TSPEAR: variants seen among roughly 807,000 people sequenced by gnomAD.
TSPEAR encodes the protein thrombospondin-type laminin G domain and EAR repeat-containing protein.
A neutral mutation model predicts 71.6 loss-of-function variants in TSPEAR; 69 were observed. That is an observed-to-expected ratio of 0.96 (90% CI 0.79 to 1.18). The LOEUF (loss-of-function observed/expected upper bound fraction) is 1.18, where lower values mean the gene tolerates loss of function less well. TSPEAR is among the 50% of genes most tolerant of loss of function. The pLI, the probability that TSPEAR is intolerant of heterozygous loss-of-function variation, is 0.00. For missense variants in TSPEAR, 971 were observed against 894.9 expected, an observed-to-expected ratio of 1.09 and a Z score of -1.09; for synonymous variants, 402 against 387.2, an observed-to-expected ratio of 1.04 and a Z score of -0.45.
At chr21:44,666,283 G>A (rs1443928261) in intron 1 of TSPEAR, 35 of 904,926 alleles carry the variant, frequency 3.9e-5, no homozygotes, top group South Asian at 6.1e-5. Flanking sequence ...GGTCAGCAAG[G>A]GCTCCAGATC....
At position 44,612,442 on chromosome 21, in the gene TSPEAR, C is replaced by A; in HGVS notation, c.83-44437G>T. The stretch of plus-strand genomic sequence containing the variant: ...CGGCTTGCTGCACCTCCTCCCCCTG[C>A]CAACAGGCCTGCTGTGTGCCTGTGT... On this transcript the variant is annotated intron_variant, in intron 1 of 11. Transcript: ENST00000323084. The surrounding 1 kb of genome is among the most constrained non-coding windows in gnomAD (Gnocchi z 4.1). 1 of 1,614,118 alleles carries A rather than the reference C, an allele frequency of 6.2e-7. No individual in the cohort carries two copies. The highest frequency in any genetic ancestry group is 8.5e-7 in the Non-Finnish European group (1 of 1,180,012).
chr21:44,623,400 C>T lies in TSPEAR; in HGVS notation c.83-55395G>A, dbSNP rs1555933842. Among the ~76,000 whole-genome samples, 1 of 152,134 alleles carries T rather than the reference C, an allele frequency of 6.6e-6. No individual in the cohort carries two copies. Among genetic ancestry groups the T allele is most frequent in the Non-Finnish European group, 1.5e-5 (1 of 68,014 alleles). On this transcript the variant is annotated intron_variant, in intron 1 of 11. Coordinates refer to ENST00000323084, the MANE Select transcript of TSPEAR (RefSeq NM_144991.3). This position sits in a 1 kb window ranked among gnomAD's most constrained non-coding sequence, Gnocchi z 4.5. ...AGACTGCTTTAACTTCATGTAGCCCCCTCCTGAATTTTGTGATCTTCTTGC... is the reference window on the plus strand; with the variant it reads ...AGACTGCTTTAACTTCATGTAGCCCTCTCCTGAATTTTGTGATCTTCTTGC...
chr21:44,513,216 C>T (rs1555912945), intron 9 of TSPEAR, among the ~76,000 whole-genome samples: 1 of 152,184 alleles, frequency 6.6e-6, no homozygotes. Context: ...TATTGACAGC[C>T]CCTCCTCCCT....
chr21:44,646,806 G>A (rs1407819627), intron 1 of TSPEAR: 1 of 1,612,932 alleles, frequency 6.2e-7, no homozygotes, highest in South Asian at 1.1e-5. Flanking sequence ...TGTGCTGTGT[G>A]CCTGTCTGCT....
chr21:44,646,124 C>CAAAAAAAAAA lies in TSPEAR; in HGVS notation c.82+65299_82+65308dup, dbSNP rs55672014. ...TGGGTGACAGAGCAAGACTCCCTCT[C>CAAAAAAAAAA]AAAAAAAAAAAAAAAAAAAAAAAAA... On this transcript the variant is annotated intron_variant, in intron 1 of 11. Coordinates refer to ENST00000323084, the MANE Select transcript of TSPEAR (RefSeq NM_144991.3). 5.1e-4 allele frequency among the ~76,000 whole-genome samples: 16 copies of CAAAAAAAAAA among 31,244 alleles called. 2 individuals are homozygous for CAAAAAAAAAA. The highest frequency in any genetic ancestry group is 2.6e-3 in the South Asian group (1 of 390). 20.5% of individuals were successfully genotyped at this position (31,244 alleles called of 152,430 possible). A position where few individuals can be genotyped will look rare whatever the true frequency, so the allele number is the denominator to read the frequency against.
In TSPEAR at chr21:44,703,072, C is replaced by A. The variant is rs574207271; in HGVS notation, c.82+8361G>T. ...AGCCACAGGAGGTCCCTGGCCCCCC[C>A]TGCCCTTCTCCTCCAAGCCATTGGC... On this transcript the variant is annotated intron_variant, in intron 1 of 11. Coordinates refer to ENST00000323084, the MANE Select transcript of TSPEAR (RefSeq NM_144991.3). Among the ~76,000 whole-genome samples the A allele has an allele frequency of 5.3e-5, 8 of 152,336 alleles. No individual in the cohort carries two copies. The East Asian group carries it at 1.5e-3, about 29-fold the overall frequency.
intron 1 of TSPEAR, among the ~76,000 whole-genome samples, chr21:44,694,376 C>G (rs1555950142): frequency 6.6e-6 from 1 of 152,086 alleles, no homozygotes; most frequent in Non-Finnish European, 1.5e-5. Flanking sequence ...TTCACAGAAA[C>G]AGAAAGTAGA....
At chr21:44,573,655 C>G (rs1978293747) in intron 1 of TSPEAR, 1 of 1,538,710 alleles carries the variant, frequency 6.5e-7, no homozygotes, top group African/African-American at 1.4e-5. Context: ...CAACATGCAC[C>G]AAGGAGGAGT....
chr21:44,533,576 T>C (rs2053019826), intron 3 of TSPEAR, 109 bp downstream of exon 3: 2 of 946,644 alleles, frequency 2.1e-6, no homozygotes, highest in Non-Finnish European at 3.2e-6. Flanking sequence ...GGTCAGCTCC[T>C]GCCCCAGGAC....
intron 1 of TSPEAR, among the ~76,000 whole-genome samples, chr21:44,630,837 A>G (rs1983214278): frequency 1.3e-5 from 2 of 152,242 alleles, no homozygotes; most frequent in African/African-American, 2.4e-5. Flanking sequence ...CTGAGCACTA[A>G]GCAAATGGAA....
chr21:44,694,041 C>CA (rs1392945643), intron 1 of TSPEAR, among the ~76,000 whole-genome samples: 3 of 152,086 alleles, frequency 2.0e-5, no homozygotes, highest in Non-Finnish European at 1.5e-5. Context: ...AGGATAGACA[C>CA]AAAAAGCAAT....
chr21:44,512,008 G>A (rs1275714476), intron 9 of TSPEAR, among the ~76,000 whole-genome samples: 2 of 152,248 alleles, frequency 1.3e-5, no homozygotes, highest in African/African-American at 4.8e-5. Context: ...GGCCTTGGGG[G>A]CACAGAGGAA....
In TSPEAR at chr21:44,533,819, G is replaced by A; in HGVS notation, c.408C>T (p.Asp136=). 3 of 1,612,574 alleles carry A rather than the reference G, an allele frequency of 1.9e-6. No individual in the cohort carries two copies. The highest frequency in any genetic ancestry group is 1.1e-5 in the South Asian group (1 of 91,076). The part of the protein sequence containing the change: ...AQLHFLFLRE[D]TAGAWQTRVS... ...CTCGGGTCTGCCAGGCGCCGGCCGT[G>A]TCCTCGCGAAGGAACAGGAAGTGCA... The change falls in exon 3 of 12, where the codon GAC becomes GAT. Residue 136 remains aspartate (D), a synonymous_variant. Coordinates refer to ENST00000323084, the MANE Select transcript of TSPEAR (RefSeq NM_144991.3).
At chr21:44,560,398 C>A (rs1318001061) in intron 2 of TSPEAR, among the ~76,000 whole-genome samples, 1 of 152,140 alleles carries the variant, frequency 6.6e-6, no homozygotes, top group Non-Finnish European at 1.5e-5. Context: ...AACTTTAACA[C>A]CCTGCTGTCA....
chr21:44,656,827 C>G (rs1232397474), intron 1 of TSPEAR, among the ~76,000 whole-genome samples: 2 of 152,102 alleles, frequency 1.3e-5, no homozygotes, highest in Non-Finnish European at 2.9e-5. Flanking sequence ...TCAGTACTGT[C>G]TCATATGTCT....
At chr21:44,524,547 CCAGT>C (rs1426340251) in intron 8 of TSPEAR, among the ~76,000 whole-genome samples, 2 of 148,910 alleles carry the variant, frequency 1.3e-5, no homozygotes, top group East Asian at 2.1e-4. Context: ...AGTAAGGTAA[CCAGT>C]CAGTGATGTA....
intron 1 of TSPEAR, among the ~76,000 whole-genome samples, chr21:44,572,049 C>G (rs372985976): frequency 1.3e-5 from 2 of 152,228 alleles, no homozygotes; most frequent in Admixed American, 6.5e-5. Context: ...GGCGGCACCG[C>G]GAGGGATGGG....
intron 1 of TSPEAR, among the ~76,000 whole-genome samples, chr21:44,705,431 C>T (rs936311680): frequency 2.0e-5 from 3 of 152,222 alleles, no homozygotes; most frequent in East Asian, 1.9e-4. Flanking sequence ...AAACTCTAAC[C>T]GCCGGTGAGC....
intron 1 of TSPEAR, among the ~76,000 whole-genome samples, chr21:44,597,080 C>G (rs2146137382): frequency 6.6e-6 from 1 of 152,234 alleles, no homozygotes; most frequent in East Asian, 1.9e-4. Flanking sequence ...CTTTCCCTTC[C>G]TATCATTATT....
Sources: gnomAD v4.1 joint callset for allele counts (sites outside exome capture counted in the v4.1 genomes callset) on GRCh38, gnomAD v4.1.1 for gene constraint, Gnocchi (gnomAD v3.1) non-coding constraint, MANE v1.5 for transcripts, NCBI Gene and HGNC (gene_info 2026-07-23, HGNC 2026-07-21) for gene names.